TMEM38B: variants seen among roughly 807,000 people sequenced by gnomAD.
TMEM38B encodes the protein transmembrane protein 38B, also known as trimeric intracellular cation channel type B.
A neutral mutation model predicts 28.7 loss-of-function variants in TMEM38B; 24 were observed. The ratio of observed to expected loss-of-function variants is 0.84; its 90% CI spans 0.61 to 1.18. The LOEUF (loss-of-function observed/expected upper bound fraction) is 1.18. TMEM38B is among the 50% of genes most tolerant of loss of function. The probability of loss-of-function intolerance (pLI) is 0.00; values close to 1 mark genes in which losing one functional copy is unlikely to be tolerated. For synonymous variants in TMEM38B, 131 were observed against 127.7 expected, an observed-to-expected ratio of 1.03 and a Z score of -0.17; for missense variants, 380 against 350.9, an observed-to-expected ratio of 1.08 and a Z score of -0.66.
intron 4 of TMEM38B, among the ~76,000 whole-genome samples, chr9:105,735,376 A>G (rs926500565): frequency 6.6e-6 from 1 of 152,206 alleles, no homozygotes; most frequent in African/African-American, 2.4e-5. Flanking sequence ...AGTTACTTCT[A>G]GTGGTGAATT....
At chr9:105,757,900 G>T (rs1225668017) in intron 5 of TMEM38B, among the ~76,000 whole-genome samples, 2 of 152,202 alleles carry the variant, frequency 1.3e-5, no homozygotes, top group Non-Finnish European at 2.9e-5. Context: ...ACTTGGGAGA[G>T]CAGTTTGGCA....
chr9:105,721,455 T>G, intron 2 of TMEM38B, 82 bp from the exon 3 acceptor site: 1 of 1,039,958 alleles, frequency 9.6e-7, no homozygotes, highest in Non-Finnish European at 1.3e-6. Flanking sequence ...TTTTGCCAAA[T>G]TGTTGTTGCT....
chr9:105,718,800 A>G (rs1215289915), intron 2 of TMEM38B, among the ~76,000 whole-genome samples: 1 of 152,198 alleles, frequency 6.6e-6, no homozygotes, highest in Non-Finnish European at 1.5e-5. Flanking sequence ...TATTTTTCTT[A>G]AAATTCCAAG....
intron 1 of TMEM38B, among the ~76,000 whole-genome samples, chr9:105,703,774 T>C (rs1375338657): frequency 6.6e-6 from 1 of 152,176 alleles, no homozygotes; most frequent in Non-Finnish European, 1.5e-5. Context: ...ATTGTGGTTT[T>C]GATTTGCATT....
chr9:105,736,878 A>T (rs1268784647), intron 4 of TMEM38B, among the ~76,000 whole-genome samples: 1 of 152,204 alleles, frequency 6.6e-6, no homozygotes, highest in Non-Finnish European at 1.5e-5. Context: ...GTCATTGATG[A>T]CCTTGGGTGC....
At chr9:105,744,162 A>G (rs10816313) in intron 4 of TMEM38B, among the ~76,000 whole-genome samples, 35,255 of 151,930 alleles carry the variant, frequency 0.23, 6,693 homozygotes, top group African/African-American at 0.5. Flanking sequence ...ATTCGTATGT[A>G]AAATATAATT....
At chr9:105,701,471 A>T (rs1720656748) in intron 1 of TMEM38B, 2 of 152,220 alleles carry the variant, frequency 1.3e-5, no homozygotes, top group Admixed American at 6.5e-5. Context: ...GATTTTTTGC[A>T]AATTAATAGG....
At chr9:105,741,135 A>C (rs1837187748) in intron 4 of TMEM38B, among the ~76,000 whole-genome samples, 1 of 152,224 alleles carries the variant, frequency 6.6e-6, no homozygotes, top group South Asian at 2.1e-4. Flanking sequence ...GCCACAAGCC[A>C]AGTTAGCCAC....
chr9:105,694,976 G>C (rs1835234109), intron 1 of TMEM38B, among the ~76,000 whole-genome samples: 1 of 152,216 alleles, frequency 6.6e-6, no homozygotes, highest in Non-Finnish European at 1.5e-5. Context: ...GGAGGACGGA[G>C]GCTCTAGTAC....
At chr9:105,723,469 G>A (rs1182422908) in intron 4 of TMEM38B, among the ~76,000 whole-genome samples, 2 of 150,786 alleles carry the variant, frequency 1.3e-5, no homozygotes, top group Non-Finnish European at 2.9e-5. Context: ...TGCAGTCACT[G>A]CAGTCTTGAT....
At chr9:105,752,964 A>G (rs577228269) in intron 5 of TMEM38B, among the ~76,000 whole-genome samples, 1 of 152,346 alleles carries the variant, frequency 6.6e-6, no homozygotes, top group South Asian at 2.1e-4. Context: ...GCCAGTTTAG[A>G]GAGGAACATA....
At chr9:105,741,952 C>T (rs1837223641) in intron 4 of TMEM38B, among the ~76,000 whole-genome samples, 1 of 152,104 alleles carries the variant, frequency 6.6e-6, no homozygotes, top group South Asian at 2.1e-4. Flanking sequence ...ATTGTTATAG[C>T]AGAAGCCAGG....
In TMEM38B at chr9:105,764,633, A is replaced by G. The variant is rs1490243172; in HGVS notation, c.661-9232A>G. On this transcript the variant is annotated intron_variant, in intron 5 of 5. Coordinates refer to ENST00000374692, the MANE Select transcript of TMEM38B (RefSeq NM_018112.3). ...CCATGCTCATGGGTAAGAAGAATCAATATCGTGAAAATGGCCATACTGCCC... is the reference window on the plus strand; with the variant it reads ...CCATGCTCATGGGTAAGAAGAATCAGTATCGTGAAAATGGCCATACTGCCC... Among the ~76,000 whole-genome samples, 3 of 152,006 alleles carry G rather than the reference A, an allele frequency of 2.0e-5. No homozygotes were observed. In the South Asian group the frequency reaches 6.3e-4, roughly 32 times the overall value.
intron 5 of TMEM38B, among the ~76,000 whole-genome samples, chr9:105,766,399 TCA>T (rs1439001562): frequency 6.6e-6 from 1 of 152,230 alleles, no homozygotes; most frequent in African/African-American, 2.4e-5. Context: ...TACTGGCCAC[TCA>T]CATGTGATCT....
intron 2 of TMEM38B, among the ~76,000 whole-genome samples, chr9:105,720,166 A>G (rs1588413344): frequency 6.6e-6 from 1 of 152,174 alleles, no homozygotes; most frequent in Admixed American, 6.5e-5. Context: ...CTCTTTAATT[A>G]TCAACTAATG....
chr9:105,705,527 A>G, intron 1 of TMEM38B, 70 bp from the exon 2 acceptor site: 1 of 1,430,338 alleles, frequency 7.0e-7, no homozygotes, highest in Non-Finnish European at 9.4e-7. Context: ...TGTTTAGTGC[A>G]ACTTGTACTT....
chr9:105,728,765 G>A (rs1299473645), intron 4 of TMEM38B, among the ~76,000 whole-genome samples: 16 of 152,184 alleles, frequency 1.1e-4, no homozygotes, highest in African/African-American at 2.9e-4. Context: ...TTTAATGATC[G>A]CCCTTCTGAC....
chr9:105,725,067 G>A (rs1836458339), intron 4 of TMEM38B, among the ~76,000 whole-genome samples: 1 of 151,978 alleles, frequency 6.6e-6, no homozygotes, highest in Non-Finnish European at 1.5e-5. Context: ...TTTAGCACTA[G>A]CTTTTGTCAC....
At chr9:105,761,694 G>T (rs1253600393) in intron 5 of TMEM38B, among the ~76,000 whole-genome samples, 4 of 152,100 alleles carry the variant, frequency 2.6e-5, no homozygotes, top group African/African-American at 9.7e-5. Context: ...TTTCAAATTG[G>T]TGCACATTAG....
Sources: allele counts gnomAD v4.1 joint callset (sites outside exome capture counted in the v4.1 genomes callset), GRCh38; gene constraint gnomAD v4.1.1; transcripts MANE v1.5; gene names NCBI Gene and HGNC (gene_info 2026-07-23, HGNC 2026-07-21).